Variants in SAMD5 observed in about 807,000 individuals in gnomAD.
The protein encoded by SAMD5 is sterile alpha motif domain containing 5, also known as sterile alpha motif domain-containing protein 5.
Under a neutral mutation model 11.3 loss-of-function variants are expected in SAMD5, and 13 were observed. The observed-to-expected ratio is 1.15, with a 90% CI of 0.75 to 1.83. The LOEUF (loss-of-function observed/expected upper bound fraction) is 1.83. Ranked by LOEUF, SAMD5 falls within the 40% of genes most tolerant of loss-of-function variation. The probability of loss-of-function intolerance (pLI) is 0.00; values close to 1 mark genes in which losing one functional copy is unlikely to be tolerated. For synonymous variants in SAMD5, 129 were observed against 111.3 expected (o/e 1.16, Z -1.00); for missense variants, 255 against 239.1 (o/e 1.07, Z -0.44).
the SAMD5 span, among the ~76,000 whole-genome samples, chr6:147,800,608 T>C: frequency 1.3e-5 from 2 of 152,250 alleles, no homozygotes; most frequent in Non-Finnish European, 2.9e-5. Context: ...CAGTTCGAGC[T>C]TCCCGGCTGC....
In SAMD5 at chr6:147,730,978, T is replaced by C. The variant is rs1211293234; in HGVS notation, c.163-6339T>C. On this transcript the variant is annotated intron_variant, in intron 1 of 1. Coordinates refer to the SAMD5 transcript ENST00000566741. ...AAAAATTGTCTGTTTAGAGGAATAG[T>C]AACCATGACAATAATAGGTAAATAT... Among the ~76,000 whole-genome samples the C allele has an allele frequency of 4.6e-5, 7 of 152,190 alleles. No homozygotes were observed. The East Asian group carries it at 1.3e-3, about 29-fold the overall frequency.
the SAMD5 span, among the ~76,000 whole-genome samples, chr6:147,750,192 T>C: frequency 6.6e-6 from 1 of 152,202 alleles, no homozygotes; most frequent in Non-Finnish European, 1.5e-5. Context: ...GGTATTGTCT[T>C]AAGCAAAACC....
the SAMD5 span, among the ~76,000 whole-genome samples, chr6:147,857,472 A>T: frequency 6.6e-6 from 1 of 151,774 alleles, no homozygotes; most frequent in African/African-American, 2.4e-5. Context: ...ATGCCACTGC[A>T]TTCTGCACTC....
the SAMD5 span, among the ~76,000 whole-genome samples, chr6:147,806,885 T>G: frequency 6.6e-6 from 1 of 152,052 alleles, no homozygotes; most frequent in South Asian, 2.1e-4. Flanking sequence ...ATGGGATTAG[T>G]GGCCTTGTAA....
the SAMD5 span, among the ~76,000 whole-genome samples, chr6:147,906,778 G>A: frequency 2.0e-5 from 3 of 152,166 alleles, no homozygotes; most frequent in Admixed American, 6.5e-5. Context: ...GAGGCAGGTA[G>A]CGTTTTAAGT....
At chr6:147,877,788 C>T in the SAMD5 span, among the ~76,000 whole-genome samples, 1 of 151,394 alleles carries the variant, frequency 6.6e-6, no homozygotes, top group Non-Finnish European at 1.5e-5. Flanking sequence ...GGCTTGTAAG[C>T]CCCTACAATC....
chr6:147,931,008 C>T, the SAMD5 span, among the ~76,000 whole-genome samples: 1 of 152,146 alleles, frequency 6.6e-6, no homozygotes, highest in Non-Finnish European at 1.5e-5. Flanking sequence ...TAGGCATCCT[C>T]AATCCAGTCA....
the SAMD5 span, among the ~76,000 whole-genome samples, chr6:147,861,642 T>C: frequency 6.6e-6 from 1 of 152,214 alleles, no homozygotes; most frequent in Non-Finnish European, 1.5e-5. Context: ...CTTTTTCTAT[T>C]ACCAGATTTC....
chr6:147,923,222 TAAC>T, the SAMD5 span, among the ~76,000 whole-genome samples: 7 of 152,230 alleles, frequency 4.6e-5, no homozygotes, highest in South Asian at 1.0e-3. Flanking sequence ...TGCGGGTTTA[TAAC>T]AAGTGCAAAT....
chr6:147,604,329 A>G (rs140517488), intron 1 of SAMD5, among the ~76,000 whole-genome samples: 14 of 152,202 alleles, frequency 9.2e-5, no homozygotes, highest in African/African-American at 2.9e-4. Flanking sequence ...TAAAGACCTG[A>G]CAGTTTTTGA....
the SAMD5 span, among the ~76,000 whole-genome samples, chr6:147,888,196 G>A: frequency 6.6e-6 from 1 of 151,818 alleles, no homozygotes; most frequent in East Asian, 1.9e-4. Flanking sequence ...TCATGCTTTT[G>A]GCATTTTGTC....
the SAMD5 span, among the ~76,000 whole-genome samples, chr6:147,811,665 G>T: frequency 6.6e-6 from 1 of 152,120 alleles, no homozygotes; most frequent in African/African-American, 2.4e-5. Context: ...TTATATTGAT[G>T]ATGGAATTGA....
chr6:147,642,461 T>C (rs757974421), intron 1 of SAMD5, among the ~76,000 whole-genome samples: 1 of 152,186 alleles, frequency 6.6e-6, no homozygotes, highest in Non-Finnish European at 1.5e-5. Context: ...ACTTTAATGA[T>C]ACCAGTGAGC....
rs370342734 is a variant in SAMD5, at chr6:147,509,258, T to G, written c.330T>G (p.Ser110=). The G allele has an allele frequency of 1.7e-4, 267 of 1,535,458 alleles. No individual in the cohort carries two copies. In the African/African-American group the frequency reaches 3.6e-3, roughly 20 times the overall value. ...CGGCCCAGGGCACCCGCGGGGACTC[T>G]CGCGGCCACACGACCGCCCCCCGCA... The part of the protein sequence containing the change: ...GGPAQGTRGD[S]RGHTTAPRSR... Residue 110 remains serine, a synonymous_variant, in exon 1 of 2, where the codon TCT becomes TCG. Transcript: ENST00000367474.
the SAMD5 span, among the ~76,000 whole-genome samples, chr6:147,780,382 A>G: frequency 6.6e-6 from 1 of 151,772 alleles, no homozygotes; most frequent in Non-Finnish European, 1.5e-5. Flanking sequence ...TAATTTTTGT[A>G]TTTTTAGTAG....
chr6:147,518,506 G>A (rs1788206098), intron 1 of SAMD5, among the ~76,000 whole-genome samples: 1 of 152,166 alleles, frequency 6.6e-6, no homozygotes, highest in Admixed American at 6.5e-5. Flanking sequence ...TAGTTCACCA[G>A]AAATATGTTC....
At chr6:147,729,623 C>T (rs921665102) in intron 1 of SAMD5, 3 of 351,762 alleles carry the variant, frequency 8.5e-6, no homozygotes, top group African/African-American at 2.2e-5. Flanking sequence ...AAAGCAGTGA[C>T]AAGAAAGGGC....
chr6:147,621,812 A>G (rs891311649), intron 1 of SAMD5, among the ~76,000 whole-genome samples: 1 of 152,134 alleles, frequency 6.6e-6, no homozygotes, highest in Non-Finnish European at 1.5e-5. Flanking sequence ...AGAATCATGG[A>G]CAAACCAGCT....
chr6:147,810,486 C>G, the SAMD5 span, among the ~76,000 whole-genome samples: 44 of 152,236 alleles, frequency 2.9e-4, no homozygotes, highest in Admixed American at 4.6e-4. Context: ...GGTCCTGGTA[C>G]CTCCTAGAGA....
Sources: gnomAD v4.1 joint callset for allele counts (sites outside exome capture counted in the v4.1 genomes callset) on GRCh38, gnomAD v4.1.1 for gene constraint, MANE v1.5 for transcripts, NCBI Gene and HGNC (gene_info 2026-07-23, HGNC 2026-07-21) for gene names.